NAMPT: variants seen among roughly 807,000 people sequenced by gnomAD.
NAMPT encodes nicotinamide phosphoribosyltransferase.
Under a neutral mutation model 58.7 loss-of-function variants are expected in NAMPT, and 7 were observed. That is an observed-to-expected ratio of 0.12 (90% CI 0.07 to 0.22). NAMPT has a LOEUF of 0.22. Among genes scored for constraint, NAMPT ranks in the 10% least tolerant of loss-of-function variants. NAMPT has a pLI of 1.00. For missense variants in NAMPT, 271 were observed against 567.9 expected (o/e 0.48, Z 5.31); for synonymous variants, 145 against 198.1 (o/e 0.73, Z 2.25).
upstream of NAMPT, chr7:106,285,119 G>T (rs1035199134): frequency 1.5e-5 from 20 of 1,328,642 alleles, no homozygotes; most frequent in South Asian, 1.8e-5. Flanking sequence ...GAGCTCTGGC[G>T]GACTCCCCAC....
At chr7:106,280,947 A>C (rs1586029018) in intron 1 of NAMPT, among the ~76,000 whole-genome samples, 1 of 151,816 alleles carries the variant, frequency 6.6e-6, no homozygotes, top group African/African-American at 2.4e-5. Context: ...TCTCAAAAAA[A>C]AAACAAACAT....
intron 8 of NAMPT, among the ~76,000 whole-genome samples, chr7:106,259,680 C>T (rs2115745030): frequency 6.6e-6 from 1 of 152,246 alleles, no homozygotes. Context: ...GTCTCGGTCT[C>T]CCAAAGTGTG....
chr7:106,269,411 A>G, intron 4 of NAMPT, 99 bp from the exon 5 acceptor site: 8 of 1,098,346 alleles, frequency 7.3e-6, no homozygotes, highest in Non-Finnish European at 9.0e-6. Flanking sequence ...GTATGTCCTG[A>G]ACTTCCATAC....
At chr7:106,275,244 ATGTT>A (rs1792610377) in intron 2 of NAMPT, 195 bp from the exon 3 acceptor site, 2 of 365,266 alleles carry the variant, frequency 5.5e-6, no homozygotes, top group South Asian at 1.7e-4. Flanking sequence ...CAAAGTATAA[ATGTT>A]TATTTATTGT....
chr7:106,281,673 G>C (rs985467200), intron 1 of NAMPT, among the ~76,000 whole-genome samples: 4 of 152,152 alleles, frequency 2.6e-5, no homozygotes, highest in Admixed American at 2.6e-4. Flanking sequence ...CTTAAACCCT[G>C]GAAATCTGTC....
Position 106,254,407 on chromosome 7 carries a change from T to G in NAMPT, c.1187A>C (p.Asn396Thr), listed in dbSNP as rs1459820680. Reference sequence around the variant, plus strand: ...AACATAGCTACACTTGAAGGAACAATTCAAGAGATCTCTTGTCAACTTCTG... The same window carrying G: ...AACATAGCTACACTTGAAGGAACAAGTCAAGAGATCTCTTGTCAACTTCTG... ...LLQKLTRDLL[N>T]CSFKCSYVVT... is the part of the protein sequence containing the mutation. The change falls in exon 9 of 11, where the codon AAT becomes ACT. Residue 396 changes from asparagine (N) to threonine (T), a missense_variant. Coordinates refer to ENST00000222553, the MANE Select transcript of NAMPT (RefSeq NM_005746.3). 6.2e-7 allele frequency: 1 copy of G among 1,613,952 alleles called. No individual in the cohort carries two copies.
chr7:106,281,126 C>G (rs7785238), intron 1 of NAMPT, among the ~76,000 whole-genome samples: 1 of 150,702 alleles, frequency 6.6e-6, no homozygotes, highest in East Asian at 1.9e-4. Context: ...AAATGATGGA[C>G]AGCTGTTTCC....
At chr7:106,269,063 G>T in intron 5 of NAMPT, 91 bp downstream of exon 5, 2 of 1,227,456 alleles carry the variant, frequency 1.6e-6, no homozygotes, top group Non-Finnish European at 2.3e-6. Flanking sequence ...TTAGAACCAA[G>T]ATCAATCTCA....
At chr7:106,267,876 A>AAAAAAAAAACAAAAAAAAAC (rs1189395299) in intron 6 of NAMPT, among the ~76,000 whole-genome samples, 7 of 130,394 alleles carry the variant, frequency 5.4e-5, no homozygotes, top group Non-Finnish European at 1.0e-4. Context: ...AAAAAAAAAA[A>AAAAAAAAAACAAAAAAAAAC]CAACCTGATT....
intron 8 of NAMPT, among the ~76,000 whole-genome samples, chr7:106,257,410 T>G (rs1379188729): frequency 6.7e-6 from 1 of 149,816 alleles, no homozygotes; most frequent in African/African-American, 2.5e-5. Context: ...GGCCAAACAG[T>G]TGAGACTGTT....
chr7:106,282,705 C>G (rs1792789816), intron 1 of NAMPT, among the ~76,000 whole-genome samples: 1 of 152,232 alleles, frequency 6.6e-6, no homozygotes, highest in African/African-American at 2.4e-5. Context: ...ACCATACCAT[C>G]TACTTGCAAA....
chr7:106,253,176 G>C, intron 9 of NAMPT, 25 bp from the exon 10 acceptor site: 1 of 1,608,452 alleles, frequency 6.2e-7, no homozygotes, highest in Non-Finnish European at 8.5e-7. Context: ...AAGAAAGTTA[G>C]ACAAGTAGAA....
At chr7:106,251,904 C>A (rs1307677813) in intron 10 of NAMPT, among the ~76,000 whole-genome samples, 1 of 152,088 alleles carries the variant, frequency 6.6e-6, no homozygotes, top group Non-Finnish European at 1.5e-5. Flanking sequence ...CTTCTGGTTT[C>A]TCTCTGAAAA....
At chr7:106,265,501 TTTCTCA>T (rs1365679936) in intron 6 of NAMPT, among the ~76,000 whole-genome samples, 1 of 151,482 alleles carries the variant, frequency 6.6e-6, no homozygotes, top group Non-Finnish European at 1.5e-5. Context: ...GATGGCAATA[TTTCTCA>T]TAGTTCTGAC....
At chr7:106,281,564 T>C (rs1470067397) in intron 1 of NAMPT, among the ~76,000 whole-genome samples, 2 of 152,238 alleles carry the variant, frequency 1.3e-5, no homozygotes, top group African/African-American at 4.8e-5. Flanking sequence ...GGATACACTC[T>C]GCCCAACACT....
chr7:106,280,382 T>C (rs1792738683), intron 1 of NAMPT, among the ~76,000 whole-genome samples: 1 of 152,240 alleles, frequency 6.6e-6, no homozygotes, highest in South Asian at 2.1e-4. Context: ...TGCTCAATTT[T>C]AAATGTTAAG....
chr7:106,285,399 C>G (rs555190893), upstream of NAMPT: 42 of 467,728 alleles, frequency 9.0e-5, no homozygotes, highest in Admixed American at 2.1e-3. Flanking sequence ...CACGAGGAGC[C>G]GGTTCGCCCG....
At chr7:106,254,566 T>G in intron 8 of NAMPT, 62 bp from the exon 9 acceptor site, 1 of 1,538,914 alleles carries the variant, frequency 6.5e-7, no homozygotes, top group Non-Finnish European at 9.0e-7. Context: ...ATGGAGATTA[T>G]TTTCAAGGGA....
intron 8 of NAMPT, among the ~76,000 whole-genome samples, 194 bp from the exon 9 acceptor site, chr7:106,254,698 G>T (rs1301284531): frequency 6.6e-6 from 1 of 152,144 alleles, no homozygotes; most frequent in Non-Finnish European, 1.5e-5. Context: ...GGAAGGAGAG[G>T]ATTTCATGCA....
Sources: gnomAD v4.1 joint callset for allele counts (sites outside exome capture counted in the v4.1 genomes callset) on GRCh38, gnomAD v4.1.1 for gene constraint, MANE v1.5 for transcripts, NCBI Gene and HGNC (gene_info 2026-07-23, HGNC 2026-07-21) for gene names.